Variants in RPS6KC1 observed in about 807,000 individuals in gnomAD.
RPS6KC1 encodes the protein ribosomal protein S6 kinase C1, also known as inactive ribosomal protein S6 kinase delta-1.
Under a neutral mutation model 103.8 loss-of-function variants are expected in RPS6KC1, and 54 were observed. The ratio of observed to expected loss-of-function variants is 0.52; its 90% CI spans 0.42 to 0.65. The LOEUF is 0.65. Ranked by LOEUF, RPS6KC1 falls within the 30% of genes least tolerant of loss-of-function variation. The pLI is 0.00. For synonymous variants in RPS6KC1, 439 were observed against 438.7 expected (o/e 1.00, Z -0.01); for missense variants, 1,151 against 1,253.8 (o/e 0.92, Z 1.24).
the RPS6KC1 span, among the ~76,000 whole-genome samples, chr1:213,668,119 G>A: frequency 6.6e-6 from 1 of 152,146 alleles, no homozygotes; most frequent in African/African-American, 2.4e-5. Flanking sequence ...AATCACAAAT[G>A]TCCTTAATGG....
chr1:213,263,187 C>T (rs895980630), intron 14 of RPS6KC1, among the ~76,000 whole-genome samples: 29 of 152,200 alleles, frequency 1.9e-4, no homozygotes, highest in African/African-American at 7.0e-4. Flanking sequence ...TTAATTCTTA[C>T]TTATAAGTTT....
intron 8 of RPS6KC1, among the ~76,000 whole-genome samples, chr1:213,178,192 A>AATAC (rs2092013185): frequency 7.6e-6 from 1 of 131,956 alleles, no homozygotes; most frequent in Non-Finnish European, 1.6e-5. Context: ...TCTCAAAATA[A>AATAC]ATAAATAAAT....
chr1:213,122,998 G>T (rs747232283), intron 5 of RPS6KC1, among the ~76,000 whole-genome samples: 4 of 152,120 alleles, frequency 2.6e-5, no homozygotes, highest in Admixed American at 6.6e-5. Context: ...TAGGGGTTGG[G>T]TGGGACAAAT....
chr1:213,261,801 A>AT (rs998495681), intron 13 of RPS6KC1, among the ~76,000 whole-genome samples, 161 bp downstream of exon 13: 1 of 152,104 alleles, frequency 6.6e-6, no homozygotes, highest in Non-Finnish European at 1.5e-5. Context: ...AAGAGTCCAG[A>AT]TTTTTTTTAA....
the RPS6KC1 span, among the ~76,000 whole-genome samples, chr1:213,844,780 G>A: frequency 6.6e-4 from 101 of 152,188 alleles, 2 homozygotes; most frequent in Non-Finnish European, 2.8e-4. Flanking sequence ...CTATAAATAC[G>A]CTGGAGTTTC....
the RPS6KC1 span, among the ~76,000 whole-genome samples, chr1:213,642,300 G>A: frequency 5.4e-4 from 82 of 152,164 alleles, 1 homozygote; most frequent in Non-Finnish European, 2.8e-4. Flanking sequence ...TTCTGTCCAG[G>A]TTTTAGAGTT....
chr1:213,219,623 C>A (rs1024832350), intron 8 of RPS6KC1, among the ~76,000 whole-genome samples: 1 of 152,024 alleles, frequency 6.6e-6, no homozygotes, highest in Non-Finnish European at 1.5e-5. Flanking sequence ...TGTCCAACAA[C>A]AATAGACTGG....
chr1:213,649,184 C>T, the RPS6KC1 span, among the ~76,000 whole-genome samples: 62 of 152,008 alleles, frequency 4.1e-4, no homozygotes, highest in Non-Finnish European at 7.5e-4. Context: ...GGTTCTTCTC[C>T]CTCCCATATT....
the RPS6KC1 span, among the ~76,000 whole-genome samples, chr1:213,622,708 G>T: frequency 4.6e-5 from 7 of 152,110 alleles, no homozygotes. Context: ...GGGTCTTGCT[G>T]CTAGAAGGGA....
At chr1:213,117,198 T>A (rs2148891623) in intron 4 of RPS6KC1, 119 bp from the exon 5 acceptor site, 2 of 568,188 alleles carry the variant, frequency 3.5e-6, no homozygotes, top group Non-Finnish European at 6.2e-6. Context: ...TCTAGTTTAA[T>A]AGATTAGTAT....
the RPS6KC1 span, among the ~76,000 whole-genome samples, chr1:213,651,852 G>C: frequency 6.6e-6 from 1 of 152,176 alleles, no homozygotes; most frequent in African/African-American, 2.4e-5. Context: ...ACTGAGTTTT[G>C]AGCTCCTTGT....
At chr1:213,112,951 A>G (rs1246106187) in intron 4 of RPS6KC1, among the ~76,000 whole-genome samples, 1 of 151,578 alleles carries the variant, frequency 6.6e-6, no homozygotes, top group African/African-American at 2.4e-5. Flanking sequence ...CATTTTCTTA[A>G]CAGTCTATCA....
intron 4 of RPS6KC1, among the ~76,000 whole-genome samples, chr1:213,117,032 T>G (rs2083729370): frequency 6.6e-6 from 1 of 152,128 alleles, no homozygotes; most frequent in Non-Finnish European, 1.5e-5. Flanking sequence ...CAGTTTAGGT[T>G]TATAGAAAAA....
the RPS6KC1 span, among the ~76,000 whole-genome samples, chr1:213,543,820 T>A: frequency 6.6e-6 from 1 of 152,202 alleles, no homozygotes; most frequent in African/African-American, 2.4e-5. Context: ...TTTCTTTGCT[T>A]CTTGCAGACA....
chr1:213,228,815 A>G (rs955768180), intron 8 of RPS6KC1, among the ~76,000 whole-genome samples: 5 of 152,226 alleles, frequency 3.3e-5, no homozygotes, highest in African/African-American at 4.8e-5. Flanking sequence ...AAAGTATAGC[A>G]CATAGTAAAT....
chr1:213,319,986 T>G, the RPS6KC1 span, among the ~76,000 whole-genome samples: 4 of 152,266 alleles, frequency 2.6e-5, no homozygotes, highest in South Asian at 8.3e-4. Context: ...TAGACAGAAA[T>G]ATAGCCCCTC....
chr1:213,236,098 C>T (rs980966667), intron 10 of RPS6KC1, among the ~76,000 whole-genome samples: 5 of 152,052 alleles, frequency 3.3e-5, no homozygotes, highest in African/African-American at 1.2e-4. Flanking sequence ...ACTGCACATG[C>T]GAGGGATCTA....
chr1:213,851,270 C>T, the RPS6KC1 span, among the ~76,000 whole-genome samples: 1 of 152,340 alleles, frequency 6.6e-6, no homozygotes, highest in Admixed American at 6.5e-5. Context: ...GACATCTTCA[C>T]CCATTCCATC....
At chr1:213,184,210 A>G (rs1241658559) in intron 8 of RPS6KC1, among the ~76,000 whole-genome samples, 1 of 152,120 alleles carries the variant, frequency 6.6e-6, no homozygotes, top group Non-Finnish European at 1.5e-5. Flanking sequence ...TTCTTCCTGA[A>G]AATGGAAGAA....
Sources: allele counts gnomAD v4.1 joint callset (sites outside exome capture counted in the v4.1 genomes callset), GRCh38; gene constraint gnomAD v4.1.1; transcripts MANE v1.5; gene names NCBI Gene and HGNC (gene_info 2026-07-23, HGNC 2026-07-21).